Variants in MPRIP observed in about 807,000 individuals in gnomAD.
The protein encoded by MPRIP is myosin phosphatase Rho interacting protein.
In MPRIP, 59 loss-of-function variants were observed where a neutral mutation model predicts 234.9. The ratio of observed to expected loss-of-function variants is 0.25; its 90% CI spans 0.20 to 0.31. The LOEUF (loss-of-function observed/expected upper bound fraction) is 0.31. Ranked by LOEUF, MPRIP falls within the 10% of genes least tolerant of loss-of-function variation. The pLI, the probability that MPRIP is intolerant of heterozygous loss-of-function variation, is 1.00. For missense variants in MPRIP, 2,436 were observed against 3,071.0 expected (o/e 0.79, Z 4.89); for synonymous variants, 1,144 against 1,263.9 (o/e 0.91, Z 2.01).
Position 17,183,864 on chromosome 17 carries a change from TGAGCTA to T in MPRIP, c.7207-954_7207-949del, listed in dbSNP as rs2046422300. ...GAAACTGGTAGAATCAGGCAGACCC[TGAGCTA>T]GAGCCCATCCCTTCAGCTTCCAGTT... On this transcript the variant is annotated intron_variant, in intron 23 of 23. Transcript: ENST00000651222. Among the ~76,000 whole-genome samples, 4 of 152,252 alleles carry T rather than the reference TGAGCTA, an allele frequency of 2.6e-5. No homozygotes were observed. The South Asian group carries it at 8.3e-4, about 31-fold the overall frequency.
At chr17:17,150,061 G>A in intron 11 of MPRIP, 83 bp from the exon 12 acceptor site, 4 of 1,002,888 alleles carry the variant, frequency 4.0e-6, no homozygotes, top group Non-Finnish European at 6.3e-6. Context: ...AGTCAGTGCA[G>A]AAAATCACTT....
intron 23 of MPRIP, 97 bp downstream of exon 23, chr17:17,180,185 G>T (rs1377097092): frequency 3.8e-5 from 40 of 1,051,120 alleles, no homozygotes; most frequent in Non-Finnish European, 5.3e-5. Context: ...GGCCACAGCT[G>T]CCAAAGCCCC....
chr17:17,127,823 C>T (rs534805817), intron 4 of MPRIP, among the ~76,000 whole-genome samples: 52 of 152,358 alleles, frequency 3.4e-4, no homozygotes, highest in African/African-American at 6.7e-4. Context: ...TTTAGCCTCT[C>T]AGCTGCAGCC....
chr17:17,066,212 TGA>T (rs772254071), intron 1 of MPRIP, among the ~76,000 whole-genome samples: 3 of 152,260 alleles, frequency 2.0e-5, no homozygotes, highest in Non-Finnish European at 4.4e-5. Flanking sequence ...GCCTAGTTCC[TGA>T]TATTAGAGGG....
chr17:17,158,304 G>A (rs1051597827), intron 13 of MPRIP, 128 bp from the exon 14 acceptor site: 1 of 754,596 alleles, frequency 1.3e-6, no homozygotes, highest in African/African-American at 1.8e-5. Flanking sequence ...TTAGGAAGCT[G>A]GGATTAGGAT....
In MPRIP at chr17:17,045,441, C is replaced by T. The variant is rs562023167; in HGVS notation, c.123+2470C>T. ...GGAGATCAGCTAATGTAACCACTTC[C>T]TCTTACCGGTGAGAAGATTGAAACC... On this transcript the variant is annotated intron_variant, in intron 1 of 23. Coordinates refer to ENST00000651222, the MANE Select transcript of MPRIP (RefSeq NM_001364716.4). 2.6e-5 allele frequency among the ~76,000 whole-genome samples: 4 copies of T among 152,320 alleles called. No homozygotes were observed. In the East Asian group the frequency reaches 5.8e-4, roughly 22 times the overall value.
At chr17:17,180,902 A>G (rs3826305) in intron 23 of MPRIP, among the ~76,000 whole-genome samples, 19,854 of 152,260 alleles carry the variant, frequency 0.13, 1,843 homozygotes, top group East Asian at 0.3. Context: ...CCAGGCACCC[A>G]TCAGCATGCA....
At chr17:17,043,266 G>C (rs551698263) in intron 1 of MPRIP, among the ~76,000 whole-genome samples, 24 of 152,202 alleles carry the variant, frequency 1.6e-4, no homozygotes, top group Non-Finnish European at 3.1e-4. Flanking sequence ...CTTAGGGATT[G>C]CATGCCGCTT....
intron 3 of MPRIP, among the ~76,000 whole-genome samples, chr17:17,085,699 G>A (rs2089573711): frequency 6.6e-6 from 1 of 152,218 alleles, no homozygotes. Flanking sequence ...AGATCACGAG[G>A]TCAGGAGATC....
At chr17:17,053,490 C>T (rs1477502229) in intron 1 of MPRIP, among the ~76,000 whole-genome samples, 1 of 152,102 alleles carries the variant, frequency 6.6e-6, no homozygotes, top group Non-Finnish European at 1.5e-5. Flanking sequence ...AGCAATAAAC[C>T]ATGTAGTATG....
At chr17:17,141,252 T>TC (rs1305064733) in intron 7 of MPRIP, among the ~76,000 whole-genome samples, 9 of 152,292 alleles carry the variant, frequency 5.9e-5, no homozygotes, top group Admixed American at 3.9e-4. Flanking sequence ...CTCACCAAGA[T>TC]CCCACCACAA....
At chr17:17,109,421 T>C (rs1447424555) in intron 3 of MPRIP, among the ~76,000 whole-genome samples, 5 of 152,206 alleles carry the variant, frequency 3.3e-5, no homozygotes, top group Non-Finnish European at 7.3e-5. Context: ...ATTCAACAGT[T>C]AAGTAAATGG....
intron 9 of MPRIP, among the ~76,000 whole-genome samples, chr17:17,145,115 A>G (rs1409583023): frequency 6.6e-6 from 1 of 152,166 alleles, no homozygotes; most frequent in African/African-American, 2.4e-5. Context: ...GGGACTTCTT[A>G]TCTATCTGGG....
intron 3 of MPRIP, among the ~76,000 whole-genome samples, chr17:17,118,185 C>A (rs551159839): frequency 6.6e-6 from 1 of 152,230 alleles, no homozygotes; most frequent in African/African-American, 2.4e-5. Flanking sequence ...TAGCCCAGGT[C>A]ATGGGGTGGT....
chr17:17,154,470 C>T (rs530152473), intron 13 of MPRIP, 55 bp downstream of exon 13: 35 of 1,474,802 alleles, frequency 2.4e-5, no homozygotes, highest in African/African-American at 5.6e-5. Flanking sequence ...GTGCCACTCC[C>T]GCCAGGGCAG....
intron 7 of MPRIP, among the ~76,000 whole-genome samples, chr17:17,139,797 G>C (rs143537985): frequency 8.7e-4 from 133 of 152,344 alleles, no homozygotes; most frequent in African/African-American, 3.1e-3. Flanking sequence ...AAAATGACAC[G>C]TTGACTTCCT....
intron 3 of MPRIP, among the ~76,000 whole-genome samples, chr17:17,084,261 T>C (rs539835527): frequency 6.6e-6 from 1 of 152,216 alleles, no homozygotes; most frequent in Admixed American, 6.5e-5. Flanking sequence ...CATGAACATA[T>C]GCAGACTAAA....
At chr17:17,137,768 T>C (rs1360708659) in intron 6 of MPRIP, 148 bp from the exon 7 acceptor site, 3 of 535,062 alleles carry the variant, frequency 5.6e-6, no homozygotes, top group Non-Finnish European at 9.4e-6. Context: ...CGTCTCACTC[T>C]GCCCTTGAGT....
intron 1 of MPRIP, among the ~76,000 whole-genome samples, chr17:17,046,910 G>A (rs2088370829): frequency 6.6e-6 from 1 of 152,200 alleles, no homozygotes; most frequent in Admixed American, 6.5e-5. Flanking sequence ...GGGCGCAGTG[G>A]CTCATGCCTG....
Sources: gnomAD v4.1 joint callset for allele counts (sites outside exome capture counted in the v4.1 genomes callset) on GRCh38, gnomAD v4.1.1 for gene constraint, MANE v1.5 for transcripts, NCBI Gene and HGNC (gene_info 2026-07-23, HGNC 2026-07-21) for gene names.